The following SOX6 variants were observed in gnomAD, a reference collection of about 807,000 sequenced individuals.
SOX6 encodes transcription factor SOX-6.
In SOX6, 11 loss-of-function variants were observed where a neutral mutation model predicts 97.8. The observed-to-expected ratio is 0.11, with a 90% CI of 0.07 to 0.19. The LOEUF is 0.19. Ranked by LOEUF, SOX6 falls within the 10% of genes least tolerant of loss-of-function variation. The pLI is 1.00. For synonymous variants in SOX6, 360 were observed against 371.4 expected, an observed-to-expected ratio of 0.97 and a Z score of 0.35; for missense variants, 810 against 1,039.5, an observed-to-expected ratio of 0.78 and a Z score of 3.04.
intron 3 of SOX6, among the ~76,000 whole-genome samples, chr11:16,307,285 G>A (rs558435564): frequency 2.0e-4 from 30 of 152,026 alleles, no homozygotes; most frequent in Non-Finnish European, 3.4e-4. Context: ...GAAGCAAAAG[G>A]GGCATAATTC....
At chr11:16,236,367 T>C (rs1321441514) in intron 3 of SOX6, among the ~76,000 whole-genome samples, 3 of 152,078 alleles carry the variant, frequency 2.0e-5, no homozygotes, top group Non-Finnish European at 4.4e-5. Context: ...AGTTAAGAGT[T>C]AGGAAGCAAT....
intron 12 of SOX6, among the ~76,000 whole-genome samples, chr11:16,044,276 G>T (rs1564922920): frequency 6.6e-6 from 1 of 151,980 alleles, no homozygotes; most frequent in Non-Finnish European, 1.5e-5. Context: ...AAATTATAAG[G>T]TTTTATGTCA....
intron 2 of SOX6, among the ~76,000 whole-genome samples, chr11:16,735,846 G>GA (rs1176059950): frequency 6.6e-6 from 1 of 151,886 alleles, no homozygotes; most frequent in Non-Finnish European, 1.5e-5. Context: ...AGTCTCAAGT[G>GA]AAACAGCAGA....
intron 13 of SOX6, among the ~76,000 whole-genome samples, chr11:15,995,583 A>T (rs1403984836): frequency 6.6e-6 from 1 of 152,156 alleles, no homozygotes. Context: ...AGGAAGAAAA[A>T]CACTGGCTGA....
chr11:16,557,472 G>T (rs1480414091), intron 4 of SOX6, among the ~76,000 whole-genome samples: 1 of 151,740 alleles, frequency 6.6e-6, no homozygotes, highest in Non-Finnish European at 1.5e-5. Flanking sequence ...GATAGTCCCA[G>T]CTTATCAATT....
intron 3 of SOX6, among the ~76,000 whole-genome samples, chr11:16,677,542 C>A (rs1011033174): frequency 1.3e-5 from 2 of 152,052 alleles, no homozygotes; most frequent in Non-Finnish European, 2.9e-5. Context: ...AAAGTTAAAA[C>A]GATTTTACAT....
intron 4 of SOX6, among the ~76,000 whole-genome samples, chr11:16,527,891 G>T (rs542869335): frequency 6.6e-6 from 1 of 152,198 alleles, no homozygotes; most frequent in East Asian, 1.9e-4. Context: ...CGGCAGCAAA[G>T]CTCCAAAACA....
chr11:16,426,411 A>G (rs1211267615), intron 1 of SOX6, among the ~76,000 whole-genome samples: 1 of 152,026 alleles, frequency 6.6e-6, no homozygotes, highest in Non-Finnish European at 1.5e-5. Flanking sequence ...AAACTATACT[A>G]CAGGGCTACG....
chr11:16,455,409 T>C (rs528845523), intron 1 of SOX6, among the ~76,000 whole-genome samples: 3 of 152,196 alleles, frequency 2.0e-5, no homozygotes, highest in Non-Finnish European at 2.9e-5. Context: ...TTTTTCTTTA[T>C]ATAAAATTAC....
At chr11:16,538,599 CAT>C (rs1861347781) in intron 4 of SOX6, among the ~76,000 whole-genome samples, 1 of 151,934 alleles carries the variant, frequency 6.6e-6, no homozygotes, top group African/African-American at 2.4e-5. Context: ...CAGAGACACA[CAT>C]AGGCTCAAAA....
At chr11:16,221,107 G>A (rs993279777) in intron 4 of SOX6, among the ~76,000 whole-genome samples, 4 of 152,010 alleles carry the variant, frequency 2.6e-5, no homozygotes, top group African/African-American at 9.7e-5. Context: ...GAATCCCAGA[G>A]AACTATTCAA....
chr11:16,734,800 C>T (rs1170393927), intron 2 of SOX6, among the ~76,000 whole-genome samples: 2 of 152,174 alleles, frequency 1.3e-5, no homozygotes, highest in Non-Finnish European at 2.9e-5. Flanking sequence ...AGCTTAGATC[C>T]TACCCAAAAG....
chr11:16,737,855 T>A (rs557440240), intron 1 of SOX6, among the ~76,000 whole-genome samples: 2 of 152,246 alleles, frequency 1.3e-5, no homozygotes, highest in East Asian at 1.9e-4. Context: ...GTACACTTTT[T>A]AAAAAATGGT....
intron 4 of SOX6, among the ~76,000 whole-genome samples, chr11:16,571,445 C>A (rs912375634): frequency 6.6e-6 from 1 of 152,102 alleles, no homozygotes; most frequent in African/African-American, 2.4e-5. Context: ...TTAGAGACAG[C>A]ATCTCACTAT....
chr11:16,458,280 A>G (rs555785818), intron 1 of SOX6, among the ~76,000 whole-genome samples: 2 of 152,212 alleles, frequency 1.3e-5, no homozygotes, highest in South Asian at 4.1e-4. Flanking sequence ...TGGGTAGACA[A>G]GGCAGATATT....
chr11:16,449,136 T>C (rs957593116), intron 1 of SOX6, among the ~76,000 whole-genome samples: 2 of 151,990 alleles, frequency 1.3e-5, no homozygotes, highest in Non-Finnish European at 2.9e-5. Flanking sequence ...AGAGTCCAAA[T>C]TGTGGGGCAT....
At chr11:16,059,341 G>A (rs1402777513) in intron 9 of SOX6, among the ~76,000 whole-genome samples, 1 of 151,862 alleles carries the variant, frequency 6.6e-6, no homozygotes, top group Non-Finnish European at 1.5e-5. Context: ...TATAATCAAA[G>A]TTAAGCCACT....
intron 3 of SOX6, chr11:16,317,605 T>A (rs1201789653): frequency 6.5e-6 from 1 of 154,506 alleles, no homozygotes; most frequent in African/African-American, 2.4e-5. Context: ...CTTTTAAGTT[T>A]TTGAGCCCTC....
intron 1 of SOX6, among the ~76,000 whole-genome samples, 85 bp downstream of exon 1, chr11:16,356,009 A>G (rs1857063264): frequency 6.6e-6 from 1 of 152,020 alleles, no homozygotes; most frequent in African/African-American, 2.4e-5. Context: ...CCACCCAATC[A>G]GGTAGGCTTT....
Sources: allele counts gnomAD v4.1 joint callset (sites outside exome capture counted in the v4.1 genomes callset), GRCh38; gene constraint gnomAD v4.1.1; transcripts MANE v1.5; gene names NCBI Gene and HGNC (gene_info 2026-07-23, HGNC 2026-07-21).